The following ZNF883 variants were observed in gnomAD, a reference collection of about 807,000 sequenced individuals.
The protein encoded by ZNF883 is zinc finger protein 883.
At chr9:113,010,366 A>C (rs1452586942) in intron 2 of ZNF883, among the ~76,000 whole-genome samples, 3 of 152,200 alleles carry the variant, frequency 2.0e-5, no homozygotes, top group Admixed American at 1.3e-4. Flanking sequence ...CCTCAGTCTC[A>C]CTTCTTACAG....
chr9:112,997,239 G>A (rs10981589), exon 1 of ZNF883: 73,100 of 1,613,960 alleles, frequency 0.045, 1,948 homozygotes, highest in Middle Eastern at 0.074. Context: ...GTATGTATTC[G>A]CTTATGTTTA....
intron 2 of ZNF883, among the ~76,000 whole-genome samples, chr9:113,005,927 G>T (rs1443148576): frequency 6.6e-6 from 1 of 151,976 alleles, no homozygotes; most frequent in Non-Finnish European, 1.5e-5. Flanking sequence ...CAATTCTGTA[G>T]TCTTTGTATC....
downstream of ZNF883, among the ~76,000 whole-genome samples, chr9:112,994,977 A>G (rs551700084): frequency 7.0e-4 from 107 of 152,186 alleles, no homozygotes; most frequent in Admixed American, 3.4e-3. Flanking sequence ...TGGGTTATTC[A>G]TGGTTTTTCT....
downstream of ZNF883, among the ~76,000 whole-genome samples, chr9:112,996,813 AAAAAAAAAAAAG>A (rs61717868): frequency 0.07 from 9,712 of 139,312 alleles, 423 homozygotes; most frequent in Non-Finnish European, 0.083. Context: ...AAAAAAAAAA[AAAAAAAAAAAAG>A]TTTTTTTATA....
downstream of ZNF883, among the ~76,000 whole-genome samples, chr9:112,996,713 C>A (rs1417762350): frequency 7.4e-6 from 1 of 135,294 alleles, no homozygotes; most frequent in Non-Finnish European, 1.5e-5. Context: ...ATGGCGTGAA[C>A]CTGGGAGGCG....
intron 1 of ZNF883, among the ~76,000 whole-genome samples, chr9:112,989,466 G>C (rs78836545): frequency 6.6e-6 from 1 of 152,120 alleles, no homozygotes; most frequent in African/African-American, 2.4e-5. Flanking sequence ...TCTCTATTCT[G>C]TTCCATTGGT....
chr9:113,003,081 C>G (rs749358450), upstream of ZNF883, among the ~76,000 whole-genome samples: 1 of 152,160 alleles, frequency 6.6e-6, no homozygotes, highest in Non-Finnish European at 1.5e-5. Context: ...AACTAAGACA[C>G]CTTGTGATAT....
upstream of ZNF883, chr9:112,998,419 G>C: frequency 1.8e-6 from 1 of 565,996 alleles, no homozygotes; most frequent in Non-Finnish European, 2.7e-6. Context: ...AGTTTCTTTT[G>C]AAAAAATCCA....
At chr9:113,008,332 C>A (rs900005846) in intron 2 of ZNF883, among the ~76,000 whole-genome samples, 4 of 152,094 alleles carry the variant, frequency 2.6e-5, no homozygotes, top group Admixed American at 2.6e-4. Flanking sequence ...GCTAAGATGT[C>A]CTTTTTTAAC....
In ZNF883 at chr9:112,990,351, T is replaced by G. The variant is rs539620602; in HGVS notation, n.310-6772A>C. 3.9e-4 allele frequency among the ~76,000 whole-genome samples: 59 copies of G among 152,354 alleles called. 1 individual carries two copies. The South Asian group carries it at 0.012, about 32-fold the overall frequency. ...GATGTTGAATTTTATCAAAGTCCTT[T>G]TCTGCATCTATTGAGATAATCATGT... is the stretch of plus-strand genomic sequence containing the variant. On this transcript the variant is annotated intron_variant and non_coding_transcript_variant, in intron 1 of 9. Transcript: ENST00000638823.
rs766733343 is a variant in ZNF883, at chr9:112,997,316, T to G, written n.944A>C. The stretch of plus-strand genomic sequence containing the variant: ...ACACTGGTAGGGTTTCTCTCCTGTA[T>G]GCGTCCTCTGATGTCGAATTAGTGA... On this transcript the variant is annotated non_coding_transcript_exon_variant, in exon 1 of 1. Coordinates refer to ENST00000639662, the Ensembl canonical transcript of ZNF883. 42 of 1,614,072 alleles carry G rather than the reference T, an allele frequency of 2.6e-5. 1 individual carries two copies. Among genetic ancestry groups the G allele is most frequent in the Admixed American group, 5.0e-5 (3 of 60,010 alleles).
intron 2 of ZNF883, among the ~76,000 whole-genome samples, chr9:113,007,198 GAAAA>G (rs1828487449): frequency 6.6e-6 from 1 of 152,064 alleles, no homozygotes; most frequent in Admixed American, 6.5e-5. Context: ...CGTCTCAAAA[GAAAA>G]AAATCTCCAT....
intron 1 of ZNF883, among the ~76,000 whole-genome samples, chr9:112,990,135 A>G (rs1828288053): frequency 2.6e-5 from 4 of 152,204 alleles, no homozygotes; most frequent in Non-Finnish European, 5.9e-5. Context: ...TGCCCTGGCC[A>G]GAACTTCCAA....
chr9:112,997,788 A>G (rs1253271825), exon 1 of ZNF883: 6 of 1,613,456 alleles, frequency 3.7e-6, no homozygotes. Flanking sequence ...GTTTTTCCAC[A>G]TTCAGTACAT....
At chr9:113,010,939 T>TCGTG (rs1003623871) in intron 2 of ZNF883, among the ~76,000 whole-genome samples, 5 of 144,110 alleles carry the variant, frequency 3.5e-5, no homozygotes, top group African/African-American at 1.3e-4. Context: ...TGAGCCAAGA[T>TCGTG]CGTGCACTGC....
chr9:112,993,319 G>A (rs1251192167), downstream of ZNF883, among the ~76,000 whole-genome samples: 2 of 152,158 alleles, frequency 1.3e-5, no homozygotes, highest in African/African-American at 4.8e-5. Flanking sequence ...TTAACAGTCA[G>A]GTTCCACTCC....
chr9:113,005,502 G>C (rs1009192592), intron 2 of ZNF883, among the ~76,000 whole-genome samples: 1 of 152,096 alleles, frequency 6.6e-6, no homozygotes, highest in Non-Finnish European at 1.5e-5. Context: ...AAAACAGGCA[G>C]TATTCAGTAC....
downstream of ZNF883, among the ~76,000 whole-genome samples, chr9:112,996,013 T>A (rs1329963482): frequency 6.6e-6 from 1 of 152,186 alleles, no homozygotes; most frequent in East Asian, 1.9e-4. Flanking sequence ...TATTATTCTT[T>A]TTCCTTTCTG....
rs377170521 is a variant in ZNF883, at chr9:113,006,319, CTCA to C, written n.166-4249_166-4247del. 2.3e-4 allele frequency among the ~76,000 whole-genome samples: 35 copies of C among 152,266 alleles called. No individual in the cohort carries two copies. In the East Asian group the frequency reaches 3.1e-3, roughly 13 times the overall value. The stretch of plus-strand genomic sequence containing the variant: ...AGGAGCACCCCCTCTTCCCAGAAAA[CTCA>C]TGAGTAATCGACCCCTTGTTTAGCA... On this transcript the variant is annotated intron_variant and non_coding_transcript_variant, in intron 2 of 4. Transcript: ENST00000638622.
Sources: gnomAD v4.1 joint callset for allele counts (sites outside exome capture counted in the v4.1 genomes callset) on GRCh38, gnomAD v4.1.1 for gene constraint, MANE v1.5 for transcripts, NCBI Gene and HGNC (gene_info 2026-07-23, HGNC 2026-07-21) for gene names.